CERS6: variants seen among roughly 807,000 people sequenced by gnomAD.
CERS6 encodes LAG1 homolog, ceramide synthase 6.
CERS6 carries 26 observed loss-of-function variants against 56.8 expected under a neutral mutation model. That is an observed-to-expected ratio of 0.46 (90% CI 0.34 to 0.63). The LOEUF (loss-of-function observed/expected upper bound fraction) is 0.63, where lower values mean the gene tolerates loss of function less well. Among genes scored for constraint, CERS6 ranks in the 30% least tolerant of loss-of-function variants. The pLI is 0.01. For synonymous variants in CERS6, 164 were observed against 173.3 expected, an observed-to-expected ratio of 0.95 and a Z score of 0.42; for missense variants, 415 against 467.5, an observed-to-expected ratio of 0.89 and a Z score of 1.04.
intron 3 of CERS6, among the ~76,000 whole-genome samples, chr2:168,603,427 T>C (rs1223855533): frequency 6.6e-6 from 1 of 152,182 alleles, no homozygotes; most frequent in Non-Finnish European, 1.5e-5. Context: ...TCAATAGGTA[T>C]GTAGGTAGAT....
At chr2:168,623,152 AAACCAATCAGTT>A in intron 3 of CERS6, among the ~76,000 whole-genome samples, 1 of 152,338 alleles carries the variant, frequency 6.6e-6, no homozygotes. Flanking sequence ...TTTACAGATG[AAACCAATCAGTT>A]AACCAAGACT....
intron 4 of CERS6, among the ~76,000 whole-genome samples, chr2:168,668,943 T>G (rs1685837150): frequency 6.6e-6 from 1 of 152,214 alleles, no homozygotes; most frequent in East Asian, 1.9e-4. Flanking sequence ...TGTCAGTGCA[T>G]TAGAAATTCA....
intron 3 of CERS6, among the ~76,000 whole-genome samples, chr2:168,578,471 C>A (rs931041364): frequency 2.6e-5 from 4 of 152,146 alleles, no homozygotes; most frequent in Non-Finnish European, 5.9e-5. Flanking sequence ...ACTGAAGATG[C>A]TTAAGCTGCC....
chr2:168,468,247 T>A lies in CERS6; in HGVS notation c.170+11629T>A, dbSNP rs1693918366. On this transcript the variant is annotated intron_variant, in intron 1 of 9. Transcript: ENST00000305747. Reference sequence around the variant, plus strand: ...AGATGGTCTCCCTCTGGGTGGAGTTTTCTCTGGAAGCTGCCTTTCAGTGAT... The same window carrying A: ...AGATGGTCTCCCTCTGGGTGGAGTTATCTCTGGAAGCTGCCTTTCAGTGAT... Among the ~76,000 whole-genome samples, 6 of 152,288 alleles carry A rather than the reference T, an allele frequency of 3.9e-5. No individual in the cohort carries two copies. The South Asian group carries it at 1.2e-3, about 32-fold the overall frequency.
At chr2:168,668,486 G>C (rs544197587) in intron 4 of CERS6, among the ~76,000 whole-genome samples, 1 of 136,938 alleles carries the variant, frequency 7.3e-6, no homozygotes, top group African/African-American at 2.8e-5. Context: ...TCATTCTGTC[G>C]CCCAGGCTGG....
chr2:168,493,496 A>G (rs1694410475), intron 1 of CERS6, among the ~76,000 whole-genome samples: 2 of 152,326 alleles, frequency 1.3e-5, no homozygotes, highest in Non-Finnish European at 2.9e-5. Context: ...ACTGCGCTCT[A>G]TAAAAGGCAC....
chr2:168,685,937 C>T (rs1273708820), intron 4 of CERS6, among the ~76,000 whole-genome samples: 1 of 151,476 alleles, frequency 6.6e-6, no homozygotes, highest in Non-Finnish European at 1.5e-5. Flanking sequence ...GTGATATGGC[C>T]TGTCTTAGTG....
chr2:168,692,175 G>C (rs1333178526), intron 5 of CERS6, among the ~76,000 whole-genome samples: 1 of 152,134 alleles, frequency 6.6e-6, no homozygotes, highest in African/African-American at 2.4e-5. Context: ...TGAGCATTCA[G>C]AGGATATTTG....
At chr2:168,649,236 A>G (rs1685279677) in intron 4 of CERS6, among the ~76,000 whole-genome samples, 1 of 151,962 alleles carries the variant, frequency 6.6e-6, no homozygotes, top group African/African-American at 2.4e-5. Flanking sequence ...GGTCTGTGTT[A>G]TTACTCCACT....
chr2:168,541,142 G>A (rs1010890791), intron 1 of CERS6, among the ~76,000 whole-genome samples: 2 of 151,688 alleles, frequency 1.3e-5, no homozygotes, highest in Non-Finnish European at 2.9e-5. Context: ...CAGCTCTTGT[G>A]GAAACTCATA....
chr2:168,721,558 TTTTTTTTG>T (rs1443606472), intron 8 of CERS6, among the ~76,000 whole-genome samples: 14 of 91,504 alleles, frequency 1.5e-4, no homozygotes, highest in South Asian at 8.1e-4. Flanking sequence ...GTTTTTGTTT[TTTTTTTTG>T]TTTAAAAAAA....
rs528723596 is a variant in CERS6, at chr2:168,465,848, G to A, written c.170+9230G>A. The stretch of plus-strand genomic sequence containing the variant: ...AGTGCACTTAACAATGGTTATGATG[G>A]TAAGTGTTATGCTATGTGTATTTTA... On this transcript the variant is annotated intron_variant, in intron 1 of 9. Coordinates refer to ENST00000305747, the MANE Select transcript of CERS6 (RefSeq NM_203463.3). Among the ~76,000 whole-genome samples the A allele has an allele frequency of 1.2e-4, 18 of 152,142 alleles. 1 individual carries two copies. In the South Asian group the frequency reaches 2.1e-3, roughly 18 times the overall value.
chr2:168,481,600 G>A (rs965640938), intron 1 of CERS6, among the ~76,000 whole-genome samples: 3 of 152,182 alleles, frequency 2.0e-5, no homozygotes, highest in Admixed American at 6.5e-5. Context: ...TTCCTGACCC[G>A]TCTTCATTAG....
intron 3 of CERS6, among the ~76,000 whole-genome samples, chr2:168,563,473 A>C (rs536973371): frequency 2.6e-5 from 4 of 152,222 alleles, no homozygotes; most frequent in Non-Finnish European, 5.9e-5. Context: ...ATATCTGAGT[A>C]TGTGTAGGTC....
intron 1 of CERS6, among the ~76,000 whole-genome samples, chr2:168,510,500 A>G (rs938261788): frequency 3.9e-5 from 6 of 152,360 alleles, no homozygotes; most frequent in African/African-American, 1.4e-4. Flanking sequence ...CTAGACGTGT[A>G]GTGGACGATA....
intron 3 of CERS6, among the ~76,000 whole-genome samples, chr2:168,629,948 G>C (rs1684673996): frequency 6.6e-6 from 1 of 151,480 alleles, no homozygotes; most frequent in Non-Finnish European, 1.5e-5. Flanking sequence ...CCTCAAGTAG[G>C]TGGGACTATA....
intron 1 of CERS6, among the ~76,000 whole-genome samples, chr2:168,546,051 G>C (rs1055971907): frequency 6.6e-6 from 1 of 152,170 alleles, no homozygotes; most frequent in Admixed American, 6.5e-5. Context: ...TGTACCTTAT[G>C]ATGAGGGGCA....
At chr2:168,560,521 A>G (rs1173423138) in intron 2 of CERS6, among the ~76,000 whole-genome samples, 2 of 152,164 alleles carry the variant, frequency 1.3e-5, no homozygotes, top group Non-Finnish European at 2.9e-5. Flanking sequence ...CCGCTTCACC[A>G]AGTGTACTTT....
At chr2:168,754,282 C>T (rs892080373) in intron 8 of CERS6, among the ~76,000 whole-genome samples, 4 of 152,112 alleles carry the variant, frequency 2.6e-5, no homozygotes, top group African/African-American at 4.8e-5. Context: ...GTTCAAGGTG[C>T]GTGGGCCTGG....
Sources: allele counts gnomAD v4.1 joint callset (sites outside exome capture counted in the v4.1 genomes callset), GRCh38; gene constraint gnomAD v4.1.1; transcripts MANE v1.5; gene names NCBI Gene and HGNC (gene_info 2026-07-23, HGNC 2026-07-21).